RASGEF1B: variants seen among roughly 807,000 people sequenced by gnomAD.
The protein encoded by RASGEF1B is RasGEF domain family member 1B.
Under a neutral mutation model 65.7 loss-of-function variants are expected in RASGEF1B, and 30 were observed. The observed-to-expected ratio is 0.46, with a 90% confidence interval of 0.34 to 0.62. The LOEUF is 0.62. RASGEF1B is among the 20% of genes least tolerant of loss of function. RASGEF1B has a pLI of 0.01. For missense variants in RASGEF1B, 495 were observed against 580.1 expected (o/e 0.85, Z 1.51); for synonymous variants, 175 against 194.8 (o/e 0.90, Z 0.85).
intron 3 of RASGEF1B, among the ~76,000 whole-genome samples, chr4:81,457,119 C>A (rs376568274): frequency 6.6e-6 from 1 of 152,146 alleles, no homozygotes; most frequent in Non-Finnish European, 1.5e-5. Flanking sequence ...CAGGTTCAAG[C>A]GATTCTCCTG....
intron 2 of RASGEF1B, among the ~76,000 whole-genome samples, chr4:81,458,821 G>T (rs1247704049): frequency 6.6e-6 from 1 of 152,234 alleles, no homozygotes; most frequent in Non-Finnish European, 1.5e-5. Flanking sequence ...ATTAGAAAGT[G>T]CTAGCTATAT....
intron 3 of RASGEF1B, among the ~76,000 whole-genome samples, chr4:81,457,208 G>A (rs915318190): frequency 6.6e-6 from 1 of 152,072 alleles, no homozygotes; most frequent in African/African-American, 2.4e-5. Flanking sequence ...GTAGAGGTGG[G>A]GTTTCACACG....
chr4:81,446,505 C>G (rs950828657), intron 6 of RASGEF1B, among the ~76,000 whole-genome samples: 3 of 152,086 alleles, frequency 2.0e-5, no homozygotes, highest in African/African-American at 7.2e-5. Context: ...GTGCAAATAC[C>G]AACTGCTATA....
At chr4:81,446,047 T>C (rs1459880844) in intron 6 of RASGEF1B, among the ~76,000 whole-genome samples, 5 of 152,184 alleles carry the variant, frequency 3.3e-5, no homozygotes, top group Admixed American at 6.5e-5. Context: ...AGTGAAACAC[T>C]TGAGGCCTAG....
At chr4:81,464,986 A>C (rs1200491850) in intron 1 of RASGEF1B, among the ~76,000 whole-genome samples, 1 of 151,706 alleles carries the variant, frequency 6.6e-6, no homozygotes, top group East Asian at 1.9e-4. Flanking sequence ...TGGGAGGCTG[A>C]GGCGGGAGAA....
At chr4:81,470,175 C>T (rs1294233243) in intron 1 of RASGEF1B, among the ~76,000 whole-genome samples, 1 of 152,148 alleles carries the variant, frequency 6.6e-6, no homozygotes, top group African/African-American at 2.4e-5. Context: ...TAACAAGCTG[C>T]CTTCTTTTTT....
At chr4:81,447,106 C>G (rs1336005813) in intron 6 of RASGEF1B, among the ~76,000 whole-genome samples, 1 of 152,234 alleles carries the variant, frequency 6.6e-6, no homozygotes, top group East Asian at 1.9e-4. Flanking sequence ...GCTCAGCAAG[C>G]TGGATGTGCA....
intron 1 of RASGEF1B, among the ~76,000 whole-genome samples, chr4:81,466,817 A>AGAAAGAAAGAAAGAAAG (rs1553947168): frequency 1.4e-4 from 21 of 149,606 alleles, no homozygotes; most frequent in African/African-American, 4.8e-4. Context: ...AAAGAAAGAA[A>AGAAAGAAAGAAAGAAAG]GAAAGAAAAT....
rs1020594481 is a variant in RASGEF1B, at chr4:81,433,746, C to T, written c.1324+94G>A. 3.1e-6 allele frequency: 4 copies of T among 1,310,648 alleles called. No individual in the cohort carries two copies. In the Admixed American group the frequency reaches 5.7e-5, roughly 19 times the overall value. The allele number at this position is 1,310,648 out of a possible 1,614,324, so 81.2% of individuals were successfully genotyped here. On this transcript the variant is annotated intron_variant, in intron 12 of 13. Coordinates refer to ENST00000264400, the MANE Select transcript of RASGEF1B (RefSeq NM_152545.3). ...ACATGGAACAGATCAGAGGACAGGC[C>T]TCATTACTATATGAGTAACCAAGCA...
intron 13 of RASGEF1B, among the ~76,000 whole-genome samples, chr4:81,432,020 A>G (rs1017769000): frequency 1.3e-5 from 2 of 152,064 alleles, no homozygotes; most frequent in African/African-American, 4.8e-5. Context: ...AAGTCAATGC[A>G]TTTTTTTTAA....
chr4:81,445,453 T>C, intron 8 of RASGEF1B, 73 bp downstream of exon 8: 1 of 1,051,650 alleles, frequency 9.5e-7, no homozygotes, highest in Non-Finnish European at 1.5e-6. Context: ...ACCATACTAT[T>C]TGCACATTTT....
chr4:81,448,532 A>C (rs1202025742), intron 4 of RASGEF1B, among the ~76,000 whole-genome samples: 1 of 152,144 alleles, frequency 6.6e-6, no homozygotes, highest in Non-Finnish European at 1.5e-5. Context: ...GGGCCATGAA[A>C]ACACTCCCGT....
intron 1 of RASGEF1B, among the ~76,000 whole-genome samples, chr4:81,467,706 G>A (rs1425619506): frequency 6.6e-6 from 1 of 152,070 alleles, no homozygotes; most frequent in Non-Finnish European, 1.5e-5. Context: ...TTGTGATCTT[G>A]GCATATTATT....
In RASGEF1B at chr4:81,426,725, C is replaced by T. The variant is rs892092231; in HGVS notation, c.*1043G>A. The stretch of plus-strand genomic sequence containing the variant: ...TGTTTTTCATCTGTTTTGTTTACTG[C>T]TATAGTGGGGACAGGTAACTTCTCC... On this transcript the variant is annotated 3_prime_UTR_variant, in exon 14 of 14. Transcript: ENST00000264400. The T allele has an allele frequency of 6.6e-6, 1 of 151,994 alleles. No homozygotes were observed. Among genetic ancestry groups the T allele is most frequent in the Non-Finnish European group, 1.5e-5 (1 of 68,020 alleles). The allele number at this position is 151,994 out of a possible 1,614,324, so 9.4% of individuals were successfully genotyped here.
chr4:81,433,357 G>C (rs918131268), intron 12 of RASGEF1B, among the ~76,000 whole-genome samples: 3 of 151,710 alleles, frequency 2.0e-5, no homozygotes, highest in Admixed American at 1.3e-4. Context: ...AGTATTTTAT[G>C]AGCTCACTTC....
intron 8 of RASGEF1B, among the ~76,000 whole-genome samples, chr4:81,442,890 G>T (rs138587787): frequency 1.2e-4 from 18 of 152,260 alleles, no homozygotes; most frequent in African/African-American, 4.3e-4. Context: ...AACCAGTGAC[G>T]GACCATATTT....
chr4:81,459,696 G>A (rs1722576755), intron 1 of RASGEF1B, among the ~76,000 whole-genome samples, 182 bp from the exon 2 acceptor site: 1 of 152,134 alleles, frequency 6.6e-6, no homozygotes, highest in Non-Finnish European at 1.5e-5. Context: ...AGTACGACAC[G>A]TATGCATGCT....
At chr4:81,434,569 G>T in intron 11 of RASGEF1B, 70 bp downstream of exon 11, 1 of 857,178 alleles carries the variant, frequency 1.2e-6, no homozygotes, top group Non-Finnish European at 2.0e-6. Flanking sequence ...GCCTGGCCAG[G>T]AATGCGGTGC....
intron 9 of RASGEF1B, among the ~76,000 whole-genome samples, chr4:81,442,072 C>G (rs1170111833): frequency 3.3e-5 from 5 of 152,116 alleles, no homozygotes; most frequent in Non-Finnish European, 7.4e-5. Context: ...TCACTATTTC[C>G]CCAGTCAATT....
Sources: allele counts gnomAD v4.1 joint callset (sites outside exome capture counted in the v4.1 genomes callset), GRCh38; gene constraint gnomAD v4.1.1; transcripts MANE v1.5; gene names NCBI Gene and HGNC (gene_info 2026-07-23, HGNC 2026-07-21).